The following XYLT1 variants were observed in gnomAD, a reference collection of about 807,000 sequenced individuals.
XYLT1 encodes beta-D-xylosyltransferase 1.
Under a neutral mutation model 91.3 loss-of-function variants are expected in XYLT1, and 36 were observed. That is an observed-to-expected ratio of 0.39 (90% CI 0.30 to 0.52). The LOEUF is 0.52. XYLT1 is among the 20% of genes least tolerant of loss of function. The probability of loss-of-function intolerance (pLI) is 0.68; values close to 1 mark genes in which losing one functional copy is unlikely to be tolerated. For missense variants in XYLT1, 1,242 were observed against 1,284.5 expected (o/e 0.97, Z 0.51); for synonymous variants, 588 against 532.0 (o/e 1.11, Z -1.45).
intron 1 of XYLT1, among the ~76,000 whole-genome samples, chr16:17,387,424 C>G (rs962055221): frequency 2.0e-5 from 3 of 152,182 alleles, no homozygotes; most frequent in African/African-American, 7.2e-5. Flanking sequence ...AGCAGGGAAG[C>G]ACTAGTGATT....
At chr16:17,224,785 C>T (rs749415531) in intron 3 of XYLT1, among the ~76,000 whole-genome samples, 1 of 152,166 alleles carries the variant, frequency 6.6e-6, no homozygotes, top group Non-Finnish European at 1.5e-5. Flanking sequence ...TCTCTTGTAG[C>T]GAGGTGCATG....
chr16:17,404,942 G>A (rs2036011910), intron 1 of XYLT1, among the ~76,000 whole-genome samples: 1 of 152,126 alleles, frequency 6.6e-6, no homozygotes, highest in South Asian at 2.1e-4. Context: ...CCTCTGAGAG[G>A]TGCCCTCCAC....
chr16:17,404,261 C>T (rs969595738), intron 1 of XYLT1, among the ~76,000 whole-genome samples: 1 of 152,196 alleles, frequency 6.6e-6, no homozygotes, highest in African/African-American at 2.4e-5. Context: ...CCCTTTTCCT[C>T]CTCAGAACTC....
chr16:17,369,917 C>T (rs557345843), intron 1 of XYLT1, among the ~76,000 whole-genome samples: 1 of 152,160 alleles, frequency 6.6e-6, no homozygotes, highest in African/African-American at 2.4e-5. Context: ...CAGAGTTGGC[C>T]CGAGGAGCCA....
At chr16:17,379,763 T>TCTCTCTCTCACACACA (rs373354877) in intron 1 of XYLT1, among the ~76,000 whole-genome samples, 1 of 125,546 alleles carries the variant, frequency 8.0e-6, no homozygotes, top group Non-Finnish European at 1.7e-5. Flanking sequence ...TCTCTCTCTC[T>TCTCTCTCTCACACACA]CACACACACA....
At chr16:17,303,562 T>C (rs1232036798) in intron 2 of XYLT1, among the ~76,000 whole-genome samples, 1 of 152,238 alleles carries the variant, frequency 6.6e-6, no homozygotes, top group Non-Finnish European at 1.5e-5. Context: ...AAAACTGGCA[T>C]AAGAGGGCCA....
chr16:17,109,710 A>C (rs1287438640), intron 11 of XYLT1, among the ~76,000 whole-genome samples: 2 of 152,178 alleles, frequency 1.3e-5, no homozygotes, highest in Non-Finnish European at 1.5e-5. Context: ...AGTATTTGAG[A>C]CAGACTGTAT....
intron 1 of XYLT1, among the ~76,000 whole-genome samples, chr16:17,437,699 A>C (rs1342756346): frequency 6.6e-6 from 1 of 151,916 alleles, no homozygotes; most frequent in Non-Finnish European, 1.5e-5. Flanking sequence ...CCTTCAAAAT[A>C]CCTCTCCCCA....
chr16:17,273,642 G>C (rs4782016), intron 2 of XYLT1, among the ~76,000 whole-genome samples: 74,634 of 151,272 alleles, frequency 0.49, 19,086 homozygotes, highest in African/African-American at 0.61. Context: ...TCAGGAGTTC[G>C]AGGCCAGCCT....
chr16:17,386,146 T>C (rs1164940125), intron 1 of XYLT1, among the ~76,000 whole-genome samples: 2 of 152,214 alleles, frequency 1.3e-5, no homozygotes, highest in African/African-American at 4.8e-5. Context: ...AGAAACACTT[T>C]TGGAGACATG....
rs1173257393 is a variant in XYLT1 at position 17,415,809 on chromosome 16, C to CA, written c.363+54624dup. ...GGAATACGAGATTCCATTTGCTGTGCATGCAGTGTGTCAGACACACGGGAA... is the reference window on the plus strand; with the variant it reads ...GGAATACGAGATTCCATTTGCTGTGCAATGCAGTGTGTCAGACACACGGGAA... On this transcript the variant is annotated intron_variant, in intron 1 of 11. Coordinates refer to ENST00000261381, the MANE Select transcript of XYLT1 (RefSeq NM_022166.4). Among the ~76,000 whole-genome samples the CA allele has an allele frequency of 3.3e-5, 5 of 152,250 alleles. No homozygotes were observed. In the East Asian group the frequency reaches 9.7e-4, roughly 29 times the overall value.
intron 3 of XYLT1, among the ~76,000 whole-genome samples, chr16:17,254,996 C>CTTTTTT (rs34553607): frequency 9.8e-4 from 111 of 113,296 alleles, no homozygotes; most frequent in East Asian, 1.8e-3. Flanking sequence ...TTTTCTTTTT[C>CTTTTTT]TTTTTTTTTT....
chr16:17,275,230 T>C (rs939797975), intron 2 of XYLT1, among the ~76,000 whole-genome samples: 2 of 152,006 alleles, frequency 1.3e-5, no homozygotes, highest in African/African-American at 4.8e-5. Context: ...CTCTATTGGG[T>C]AGGTGCAATT....
chr16:17,199,301 G>T (rs550658014), intron 4 of XYLT1, among the ~76,000 whole-genome samples: 1 of 152,204 alleles, frequency 6.6e-6, no homozygotes, highest in Non-Finnish European at 1.5e-5. Flanking sequence ...TAGCTCGGGA[G>T]TCAGCAGGGC....
chr16:17,379,763 TCACACACA>T (rs71137987), intron 1 of XYLT1, among the ~76,000 whole-genome samples: 48 of 125,624 alleles, frequency 3.8e-4, no homozygotes, highest in African/African-American at 1.5e-3. Flanking sequence ...TCTCTCTCTC[TCACACACA>T]CACACACACA....
At chr16:17,143,599 A>ATGAT (rs1199104113) in intron 6 of XYLT1, among the ~76,000 whole-genome samples, 2 of 152,232 alleles carry the variant, frequency 1.3e-5, no homozygotes, top group East Asian at 3.9e-4. Flanking sequence ...TGTGCTGGGA[A>ATGAT]TGATTGTCTT....
chr16:17,111,325 T>C (rs1597125897), intron 11 of XYLT1, among the ~76,000 whole-genome samples: 2 of 152,236 alleles, frequency 1.3e-5, no homozygotes, highest in East Asian at 1.9e-4. Context: ...TTATTTCTAA[T>C]AGATGCTATT....
chr16:17,446,617 C>A (rs1172585598), intron 1 of XYLT1, among the ~76,000 whole-genome samples: 3 of 152,180 alleles, frequency 2.0e-5, no homozygotes, highest in East Asian at 3.8e-4. Flanking sequence ...GGGAGTGAGA[C>A]CTGCTTTCAG....
intron 3 of XYLT1, among the ~76,000 whole-genome samples, chr16:17,206,725 G>A (rs2032654041): frequency 2.0e-5 from 3 of 152,130 alleles, no homozygotes. Context: ...GACAGAGTGA[G>A]ACCCTGTCTC....
Sources: gnomAD v4.1 joint callset for allele counts (sites outside exome capture counted in the v4.1 genomes callset) on GRCh38, gnomAD v4.1.1 for gene constraint, MANE v1.5 for transcripts, NCBI Gene and HGNC (gene_info 2026-07-23, HGNC 2026-07-21) for gene names.